CDH2: variants seen among roughly 807,000 people sequenced by gnomAD.
CDH2 encodes the protein cadherin-2.
CDH2 carries 17 observed loss-of-function variants against 92.0 expected under a neutral mutation model. The ratio of observed to expected loss-of-function variants is 0.18; its 90% CI spans 0.13 to 0.28. The LOEUF is 0.28. Among genes scored for constraint, CDH2 ranks in the 10% least tolerant of loss-of-function variants. CDH2 has a pLI of 1.00. For missense variants in CDH2, 862 were observed against 1,133.1 expected (o/e 0.76, Z 3.44); for synonymous variants, 419 against 415.9 (o/e 1.01, Z -0.09).
intron 2 of CDH2, among the ~76,000 whole-genome samples, chr18:28,070,077 T>C (rs1052370290): frequency 1.3e-5 from 2 of 152,056 alleles, no homozygotes; most frequent in Non-Finnish European, 2.9e-5. Context: ...CACAGAATCA[T>C]AGATAGGGTG....
At chr18:27,988,906 C>T (rs2012322092) in intron 10 of CDH2, among the ~76,000 whole-genome samples, 1 of 152,172 alleles carries the variant, frequency 6.6e-6, no homozygotes, top group South Asian at 2.1e-4. Flanking sequence ...AGACTAGGTG[C>T]ACAGTCTCCC....
intron 1 of CDH2, among the ~76,000 whole-genome samples, chr18:28,170,248 A>G (rs973908423): frequency 3.9e-5 from 6 of 152,178 alleles, no homozygotes; most frequent in Non-Finnish European, 7.4e-5. Flanking sequence ...GTTTGATTGT[A>G]TATTTCTCAG....
At chr18:27,970,550 G>C (rs1294628452) in intron 14 of CDH2, among the ~76,000 whole-genome samples, 1 of 152,152 alleles carries the variant, frequency 6.6e-6, no homozygotes, top group Non-Finnish European at 1.5e-5. Flanking sequence ...AGTAAATACT[G>C]CAAAGGGAGC....
rs190347755 is a variant in CDH2, at chr18:28,067,347, C to T, written c.173-53438G>A. Among the ~76,000 whole-genome samples the T allele has an allele frequency of 9.2e-5, 14 of 152,230 alleles. No individual in the cohort carries two copies. In the East Asian group the frequency reaches 1.4e-3, roughly 15 times the overall value. ...TTGCCCGAAAAGAAACTCTGCCCCT[C>T]ACAGCCGTCATCTCCCATTCCACTC... is the stretch of plus-strand genomic sequence containing the variant. On this transcript the variant is annotated intron_variant, in intron 2 of 15. Coordinates refer to ENST00000269141, the MANE Select transcript of CDH2 (RefSeq NM_001792.5).
intron 2 of CDH2, among the ~76,000 whole-genome samples, chr18:28,078,388 G>C (rs1293081093): frequency 6.6e-6 from 1 of 152,014 alleles, no homozygotes; most frequent in Non-Finnish European, 1.5e-5. Context: ...AAATAATAGG[G>C]TATCTGAACT....
At chr18:27,959,433 C>T (rs1182392994) in intron 15 of CDH2, 1 of 152,204 alleles carries the variant, frequency 6.6e-6, no homozygotes, top group Non-Finnish European at 1.5e-5. Flanking sequence ...TGGTGCTCTG[C>T]TAAATCAAAT....
intron 1 of CDH2, among the ~76,000 whole-genome samples, chr18:28,167,716 T>G (rs934794532): frequency 6.6e-6 from 1 of 152,260 alleles, no homozygotes; most frequent in African/African-American, 2.4e-5. Context: ...TCCACTTCTA[T>G]GTATATTTTC....
At chr18:27,939,696 A>G (rs1909092416) in intron 6 of CDH2, among the ~76,000 whole-genome samples, 2 of 152,146 alleles carry the variant, frequency 1.3e-5, no homozygotes, top group Admixed American at 1.3e-4. Context: ...GGGAGTTCTT[A>G]TACTATGTGG....
chr18:28,076,970 T>C (rs1322222058), intron 2 of CDH2, among the ~76,000 whole-genome samples: 3 of 152,156 alleles, frequency 2.0e-5, no homozygotes, highest in Non-Finnish European at 2.9e-5. Flanking sequence ...CTTGCCTTGA[T>C]AAAAATTTGC....
rs557192589 is a variant in CDH2, at chr18:28,176,306, G to A, written c.60+657C>T. Among the ~76,000 whole-genome samples, 187 of 152,310 alleles carry A rather than the reference G, an allele frequency of 1.2e-3. 1 individual carries two copies. The highest frequency in any genetic ancestry group is 4.4e-3 in the African/African-American group (184 of 41,586). The stretch of plus-strand genomic sequence containing the variant: ...CGTGAGAGGCCAGACTCGTTCTACA[G>A]GCAGGCGCTGACCGGCAGAGACTCC... On this transcript the variant is annotated intron_variant, in intron 1 of 15. Transcript: ENST00000269141.
chr18:28,074,297 T>TAC (rs1243290286), intron 2 of CDH2, among the ~76,000 whole-genome samples: 1 of 152,214 alleles, frequency 6.6e-6, no homozygotes, highest in Non-Finnish European at 1.5e-5. Context: ...GACACATGCA[T>TAC]ACATGAGAAT....
At chr18:28,042,642 T>C (rs2013970367) in intron 2 of CDH2, among the ~76,000 whole-genome samples, 1 of 152,094 alleles carries the variant, frequency 6.6e-6, no homozygotes, top group Non-Finnish European at 1.5e-5. Flanking sequence ...AGAGAAACCA[T>C]AAAAATATAC....
At chr18:27,963,739 C>T in intron 14 of CDH2, 1 of 518,248 alleles carries the variant, frequency 1.9e-6, no homozygotes, top group South Asian at 2.4e-5. Flanking sequence ...GCTCCATCTG[C>T]TTTACAATGT....
chr18:28,057,682 A>G (rs1265371933), intron 2 of CDH2, among the ~76,000 whole-genome samples: 2 of 152,058 alleles, frequency 1.3e-5, no homozygotes, highest in Admixed American at 6.6e-5. Flanking sequence ...AAAAAAAAAG[A>G]AATTTGAATA....
intron 2 of CDH2, among the ~76,000 whole-genome samples, chr18:28,081,689 C>T (rs1567991045): frequency 6.6e-6 from 1 of 152,150 alleles, no homozygotes. Context: ...CAGGACTGTC[C>T]ATAAGACTTC....
intron 15 of CDH2, among the ~76,000 whole-genome samples, chr18:27,957,448 T>A (rs558492104): frequency 5.9e-4 from 89 of 151,808 alleles, no homozygotes; most frequent in Middle Eastern, 6.8e-3. Context: ...AGGGTTTTTT[T>A]ATCAGGTTGC....
chr18:28,131,088 T>C (rs1453989165), intron 2 of CDH2, among the ~76,000 whole-genome samples: 3 of 152,120 alleles, frequency 2.0e-5, no homozygotes, highest in African/African-American at 4.8e-5. Flanking sequence ...GTAGGACCAA[T>C]AAATACCACA....
At chr18:27,978,683 C>T (rs944587200) in intron 14 of CDH2, among the ~76,000 whole-genome samples, 8 of 151,808 alleles carry the variant, frequency 5.3e-5, no homozygotes, top group Admixed American at 5.3e-4. Flanking sequence ...GAGTCAGGGT[C>T]TCTGTGGCCC....
chr18:27,962,553 T>C (rs747112483), intron 15 of CDH2, among the ~76,000 whole-genome samples: 4 of 152,204 alleles, frequency 2.6e-5, no homozygotes, highest in African/African-American at 7.2e-5. Context: ...AGACCTATTC[T>C]GATCTTGGAG....
Sources: gnomAD v4.1 joint callset for allele counts (sites outside exome capture counted in the v4.1 genomes callset) on GRCh38, gnomAD v4.1.1 for gene constraint, MANE v1.5 for transcripts, NCBI Gene and HGNC (gene_info 2026-07-23, HGNC 2026-07-21) for gene names.